CFAP58: variants seen among roughly 807,000 people sequenced by gnomAD.
CFAP58 encodes the protein cilia- and flagella-associated protein 58.
A neutral mutation model predicts 119.5 loss-of-function variants in CFAP58; 88 were observed. The ratio of observed to expected loss-of-function variants is 0.74; its 90% confidence interval spans 0.62 to 0.88. CFAP58 has a LOEUF of 0.88. Among genes scored for constraint, CFAP58 ranks in the 40% least tolerant of loss-of-function variants. The pLI, the probability that CFAP58 is intolerant of heterozygous loss-of-function variation, is 0.00. For missense variants in CFAP58, 990 were observed against 1,021.2 expected (o/e 0.97, Z 0.42); for synonymous variants, 365 against 366.3 (o/e 1.00, Z 0.04).
chr10:104,439,369 A>T (rs2133088856), intron 15 of CFAP58, among the ~76,000 whole-genome samples: 1 of 152,298 alleles, frequency 6.6e-6, no homozygotes, highest in African/African-American at 2.4e-5. Flanking sequence ...ATTATACTAT[A>T]ATATAATGTT....
chr10:104,365,273 A>C (rs2014726663), intron 4 of CFAP58, among the ~76,000 whole-genome samples: 1 of 152,122 alleles, frequency 6.6e-6, no homozygotes, highest in African/African-American at 2.4e-5. Flanking sequence ...TCTTCTGAAC[A>C]CTTTTACATA....
intron 15 of CFAP58, among the ~76,000 whole-genome samples, chr10:104,438,368 T>G (rs1200868712): frequency 8.0e-6 from 1 of 125,046 alleles, no homozygotes; most frequent in East Asian, 2.3e-4. Flanking sequence ...TTTGTTTTTT[T>G]TTTTTGTTTT....
intron 15 of CFAP58, among the ~76,000 whole-genome samples, chr10:104,429,777 C>T (rs926704015): frequency 2.0e-5 from 3 of 152,298 alleles, no homozygotes; most frequent in South Asian, 4.2e-4. Flanking sequence ...ACTACCTACC[C>T]GGGTTGACTC....
chr10:104,391,733 CT>C (rs1327272758), intron 9 of CFAP58, among the ~76,000 whole-genome samples: 3 of 152,156 alleles, frequency 2.0e-5, no homozygotes, highest in Non-Finnish European at 2.9e-5. Context: ...TTCAGTTCCC[CT>C]GATGGAGTGA....
chr10:104,405,780 G>A lies in CFAP58; in HGVS notation c.2152-909G>A, dbSNP rs186086737. 6.1e-3 allele frequency among the ~76,000 whole-genome samples: 923 copies of A among 152,324 alleles called. 4 individuals carry two copies. The highest frequency in any genetic ancestry group is 0.012 in the Admixed American group (181 of 15,300). On this transcript the variant is annotated intron_variant, in intron 14 of 17. Transcript: ENST00000369704. ...GACAATTACCAAAGGAGAATCCTAA[G>A]GCTGAGTGAATTAGGGAGCCCTGCT...
In CFAP58 at chr10:104,371,089, A is replaced by C. The variant is rs747509245; in HGVS notation, c.1090+35A>C. 7.0e-6 allele frequency: 11 copies of C among 1,573,642 alleles called. No individual in the cohort carries two copies. In the South Asian group the frequency reaches 1.2e-4, roughly 17 times the overall value. On this transcript the variant is annotated intron_variant, in intron 7 of 17. Coordinates refer to ENST00000369704, the MANE Select transcript of CFAP58 (RefSeq NM_001008723.2). ...TTTGCGCTTTTATTCATTTAGAAAC[A>C]TTTTATTGGTGACTGATGTTATCTT...
At chr10:104,348,438 A>G in the CFAP58 span, among the ~76,000 whole-genome samples, 1 of 152,204 alleles carries the variant, frequency 6.6e-6, no homozygotes, top group Non-Finnish European at 1.5e-5. Flanking sequence ...CTAAGAGGCG[A>G]TTCTATCCAG....
chr10:104,439,832 T>A (rs1589936901), intron 15 of CFAP58, among the ~76,000 whole-genome samples: 1 of 152,240 alleles, frequency 6.6e-6, no homozygotes, highest in Admixed American at 6.5e-5. Context: ...TTACTATTTT[T>A]TTTTTGAGAC....
At position 104,385,032 on chromosome 10, in the gene CFAP58, A is replaced by G. The variant is rs148440616; in HGVS notation, c.1365+4812A>G. 2.5e-3 allele frequency among the ~76,000 whole-genome samples: 375 copies of G among 152,256 alleles called. 2 individuals carry two copies. The highest frequency in any genetic ancestry group is 8.8e-3 in the African/African-American group (364 of 41,562). On this transcript the variant is annotated intron_variant, in intron 9 of 17. Coordinates refer to ENST00000369704, the MANE Select transcript of CFAP58 (RefSeq NM_001008723.2). Reference sequence around the variant, plus strand: ...CCAATATTGGATTTTAAGTTCCTCAAACCTCCGGTGGCAAATCTGCTACAT... The same window carrying G: ...CCAATATTGGATTTTAAGTTCCTCAGACCTCCGGTGGCAAATCTGCTACAT...
chr10:104,435,604 C>G (rs555346885), intron 15 of CFAP58, among the ~76,000 whole-genome samples: 21 of 152,326 alleles, frequency 1.4e-4, no homozygotes, highest in Admixed American at 4.6e-4. Flanking sequence ...TCTTTTCGGG[C>G]TCAGAAGTTT....
At chr10:104,450,669 T>TTTGTTTTA (rs1554927084) in intron 17 of CFAP58, among the ~76,000 whole-genome samples, 3 of 143,292 alleles carry the variant, frequency 2.1e-5, no homozygotes, top group African/African-American at 7.9e-5. Context: ...TTCACCTATG[T>TTTGTTTTA]TTTATTTATT....
chr10:104,359,011 GA>G (rs1179542717), intron 2 of CFAP58, among the ~76,000 whole-genome samples: 2 of 152,104 alleles, frequency 1.3e-5, no homozygotes, highest in Non-Finnish European at 2.9e-5. Flanking sequence ...TTTTAGTAAA[GA>G]TTGCCTTGAG....
chr10:104,423,100 C>T (rs1347088372), intron 15 of CFAP58, among the ~76,000 whole-genome samples: 4 of 151,956 alleles, frequency 2.6e-5, no homozygotes, highest in East Asian at 1.9e-4. Context: ...GTTTTTCTTT[C>T]GTTTAATTTT....
chr10:104,430,893 T>C (rs147849234), intron 15 of CFAP58, among the ~76,000 whole-genome samples: 47 of 152,338 alleles, frequency 3.1e-4, no homozygotes, highest in African/African-American at 1.0e-3. Context: ...TAATGTGATA[T>C]TTTATATTTT....
chr10:104,446,735 A>G (rs1333360794), intron 15 of CFAP58, among the ~76,000 whole-genome samples: 1 of 152,218 alleles, frequency 6.6e-6, no homozygotes, highest in Non-Finnish European at 1.5e-5. Flanking sequence ...TGATTTGGAA[A>G]TCTAGAATTG....
chr10:104,445,348 A>G (rs1188887849), intron 15 of CFAP58, among the ~76,000 whole-genome samples: 3 of 150,744 alleles, frequency 2.0e-5, no homozygotes, highest in Admixed American at 2.0e-4. Flanking sequence ...AACAACAACA[A>G]CAAAAAACAA....
At chr10:104,338,582 C>T in the CFAP58 span, among the ~76,000 whole-genome samples, 1 of 151,066 alleles carries the variant, frequency 6.6e-6, no homozygotes, top group Non-Finnish European at 1.5e-5. Context: ...CAGGATCCGC[C>T]GGGAAGACCT....
At chr10:104,371,196 A>T in intron 7 of CFAP58, 142 bp downstream of exon 7, 6 of 577,922 alleles carry the variant, frequency 1.0e-5, no homozygotes, top group South Asian at 4.5e-5. Context: ...TAAACAGTCA[A>T]TATGGGGTGG....
At chr10:104,360,438 G>A (rs1260319704) in intron 2 of CFAP58, among the ~76,000 whole-genome samples, 1 of 151,498 alleles carries the variant, frequency 6.6e-6, no homozygotes, top group Non-Finnish European at 1.5e-5. Context: ...CTTCACATGG[G>A]CCAGAGCAGG....
Sources: gnomAD v4.1 joint callset for allele counts (sites outside exome capture counted in the v4.1 genomes callset) on GRCh38, gnomAD v4.1.1 for gene constraint, MANE v1.5 for transcripts, NCBI Gene and HGNC (gene_info 2026-07-23, HGNC 2026-07-21) for gene names.